The following SLC9D1 variants were observed in gnomAD, a reference collection of about 807,000 sequenced individuals.
SLC9D1 encodes solute carrier family 9 member D1, also known as putative LAG1-interacting protein.
the SLC9D1 span, among the ~76,000 whole-genome samples, chr13:113,512,774 G>GATGCTGGGACTGGAAGGGGGCCAGA: frequency 7.9e-6 from 1 of 125,806 alleles, no homozygotes; most frequent in Non-Finnish European, 1.8e-5. Context: ...TGGAGCCCCA[G>GATGCTGGGACTGGAAGGGGGCCAGA]GTGCTGGGAC....
At chr13:113,493,965 C>A in the SLC9D1 span, among the ~76,000 whole-genome samples, 1 of 152,208 alleles carries the variant, frequency 6.6e-6, no homozygotes, top group African/African-American at 2.4e-5. Context: ...ATGCTGCCTC[C>A]AGAAATGCTG....
At chr13:113,524,915 TTTTA>T in the SLC9D1 span, among the ~76,000 whole-genome samples, 28,037 of 151,996 alleles carry the variant, frequency 0.18, 3,412 homozygotes, top group African/African-American at 0.35. Context: ...TAAGTCTGCA[TTTTA>T]TTTGTTTTTT....
the SLC9D1 span, among the ~76,000 whole-genome samples, chr13:113,531,005 T>A: frequency 4.6e-5 from 7 of 152,016 alleles, no homozygotes; most frequent in Admixed American, 3.9e-4. Context: ...TTGGGCATCA[T>A]TGTTGGGATG....
At chr13:113,522,789 G>A in the SLC9D1 span, among the ~76,000 whole-genome samples, 243 of 151,946 alleles carry the variant, frequency 1.6e-3, no homozygotes, top group African/African-American at 5.5e-3. Context: ...GCACCACCAC[G>A]CCCAGCTAAT....
the SLC9D1 span, among the ~76,000 whole-genome samples, chr13:113,526,495 G>A: frequency 2.6e-5 from 4 of 152,050 alleles, no homozygotes; most frequent in South Asian, 2.1e-4. Flanking sequence ...AAGGCGGGAG[G>A]ATTGCTTGAG....
the SLC9D1 span, among the ~76,000 whole-genome samples, chr13:113,511,248 C>T: frequency 3.3e-5 from 5 of 152,302 alleles, no homozygotes; most frequent in South Asian, 2.1e-4. Flanking sequence ...AATACGGGGT[C>T]GAAATGTCAC....
chr13:113,516,422 G>T, the SLC9D1 span, among the ~76,000 whole-genome samples: 1 of 151,818 alleles, frequency 6.6e-6, no homozygotes, highest in Admixed American at 6.6e-5. Flanking sequence ...AAAATTAGCC[G>T]GGCATGGTGG....
chr13:113,536,053 A>G, the SLC9D1 span, among the ~76,000 whole-genome samples: 1 of 152,198 alleles, frequency 6.6e-6, no homozygotes, highest in South Asian at 2.1e-4. Flanking sequence ...TTACTCTTAA[A>G]ACTGCAGGTT....
chr13:113,496,513 C>T, the SLC9D1 span, among the ~76,000 whole-genome samples: 2 of 152,086 alleles, frequency 1.3e-5, no homozygotes, highest in African/African-American at 4.8e-5. Context: ...GGACTTTGAC[C>T]AAGTATGCTT....
the SLC9D1 span, chr13:113,495,866 G>T: frequency 6.2e-7 from 1 of 1,614,198 alleles, no homozygotes; most frequent in South Asian, 1.1e-5. Context: ...AGGTGCACAC[G>T]TTTGAAATTT....
the SLC9D1 span, chr13:113,548,324 C>T: frequency 9.3e-6 from 15 of 1,613,972 alleles, no homozygotes; most frequent in South Asian, 4.4e-5. Context: ...GGCGCTGGTC[C>T]TGTCTCTCAT....
At chr13:113,497,261 A>G in the SLC9D1 span, among the ~76,000 whole-genome samples, 3 of 148,078 alleles carry the variant, frequency 2.0e-5, no homozygotes, top group Non-Finnish European at 4.5e-5. Flanking sequence ...ACCTGCAGCT[A>G]TGTGAGACCA....
At chr13:113,496,973 CAT>C in the SLC9D1 span, among the ~76,000 whole-genome samples, 1 of 152,320 alleles carries the variant, frequency 6.6e-6, no homozygotes, top group East Asian at 1.9e-4. Flanking sequence ...CACTTCATAA[CAT>C]ATCAACAGTA....
chr13:113,537,163 C>T, the SLC9D1 span, among the ~76,000 whole-genome samples: 7 of 152,154 alleles, frequency 4.6e-5, no homozygotes, highest in South Asian at 2.1e-4. Flanking sequence ...TTTTATATGC[C>T]GGCAGATTTT....
At chr13:113,543,139 C>CTGTCCGTGACCCCACCTG in the SLC9D1 span, among the ~76,000 whole-genome samples, 1 of 93,738 alleles carries the variant, frequency 1.1e-5, no homozygotes, top group African/African-American at 4.2e-5. Context: ...GTGACCACCT[C>CTGTCCGTGACCCCACCTG]CTCCCCGTGC....
At chr13:113,501,818 A>G in the SLC9D1 span, 1 of 1,610,418 alleles carries the variant, frequency 6.2e-7, no homozygotes, top group Non-Finnish European at 8.5e-7. Context: ...AGGATTGCCT[A>G]CAATGTTTGG....
the SLC9D1 span, among the ~76,000 whole-genome samples, chr13:113,526,267 TAAG>T: frequency 5.3e-5 from 8 of 152,064 alleles, no homozygotes; most frequent in East Asian, 1.9e-4. Context: ...ATAGAATAAA[TAAG>T]AAGAAAGAAA....
chr13:113,500,104 G>A, the SLC9D1 span: 198,869 of 1,575,874 alleles, frequency 0.13, 15,377 homozygotes, highest in African/African-American at 0.36. Context: ...TTTTGACCAA[G>A]CCCAGAGATT....
At chr13:113,503,563 A>C in the SLC9D1 span, 5 of 1,613,600 alleles carry the variant, frequency 3.1e-6, no homozygotes, top group African/African-American at 4.0e-5. Context: ...GTTGGCTTAG[A>C]ATTTTCTCCA....
Sources: allele counts gnomAD v4.1 joint callset (sites outside exome capture counted in the v4.1 genomes callset), GRCh38; gene constraint gnomAD v4.1.1; transcripts MANE v1.5; gene names NCBI Gene and HGNC (gene_info 2026-07-23, HGNC 2026-07-21).